The following NRP1 variants were observed in gnomAD, a reference collection of about 807,000 sequenced individuals.
NRP1 encodes the protein neuropilin-1.
A neutral mutation model predicts 106.7 loss-of-function variants in NRP1; 35 were observed. The observed-to-expected ratio is 0.33, with a 90% CI of 0.25 to 0.43. The LOEUF (loss-of-function observed/expected upper bound fraction) is 0.43, where lower values mean the gene tolerates loss of function less well. NRP1 is among the 20% of genes least tolerant of loss of function. The pLI is 1.00. For synonymous variants in NRP1, 437 were observed against 417.9 expected, an observed-to-expected ratio of 1.05 and a Z score of -0.56; for missense variants, 1,024 against 1,170.4, an observed-to-expected ratio of 0.87 and a Z score of 1.83.
intron 6 of NRP1, among the ~76,000 whole-genome samples, chr10:33,233,332 C>CA (rs1174945014): frequency 1.3e-5 from 2 of 152,190 alleles, no homozygotes; most frequent in African/African-American, 4.8e-5. Context: ...GAACCATCCA[C>CA]ATGCACCATA....
chr10:33,265,651 G>T (rs988870679), intron 3 of NRP1, among the ~76,000 whole-genome samples: 1 of 152,188 alleles, frequency 6.6e-6, no homozygotes, highest in Admixed American at 6.5e-5. Flanking sequence ...AGATGCAGAA[G>T]AATTCTTAGA....
intron 4 of NRP1, among the ~76,000 whole-genome samples, chr10:33,258,448 A>T (rs1842348876): frequency 6.6e-6 from 1 of 152,160 alleles, no homozygotes; most frequent in Non-Finnish European, 1.5e-5. Flanking sequence ...GGCACCACAC[A>T]GTTTGTGTGC....
chr10:33,308,532 G>A (rs572872508), intron 2 of NRP1, among the ~76,000 whole-genome samples: 8 of 151,864 alleles, frequency 5.3e-5, no homozygotes, highest in African/African-American at 1.7e-4. Flanking sequence ...TGTCGCCCAC[G>A]CTGGAGTTTA....
intron 12 of NRP1, among the ~76,000 whole-genome samples, chr10:33,195,890 C>T (rs60773850): frequency 0.097 from 14,720 of 152,100 alleles, 2,347 homozygotes; most frequent in African/African-American, 0.34. Context: ...TCAGTAGACC[C>T]GCGTGGTTTG....
intron 2 of NRP1, among the ~76,000 whole-genome samples, chr10:33,301,630 C>T (rs1845806819): frequency 6.6e-6 from 1 of 152,118 alleles, no homozygotes; most frequent in Non-Finnish European, 1.5e-5. Flanking sequence ...GCGCGTGACT[C>T]TCAGCCACTC....
At chr10:33,269,212 G>A (rs903111769) in intron 3 of NRP1, among the ~76,000 whole-genome samples, 13 of 152,104 alleles carry the variant, frequency 8.5e-5, no homozygotes, top group Non-Finnish European at 4.4e-5. Context: ...ACACACAAAA[G>A]GAATTTATAG....
In NRP1 at chr10:33,226,190, C is replaced by A; in HGVS notation, c.1081G>T (p.Asp361Tyr). 1 of 1,614,186 alleles carries A rather than the reference C, an allele frequency of 6.2e-7. No individual in the cohort carries two copies. Among genetic ancestry groups the A allele is most frequent in the African/African-American group, 1.3e-5 (1 of 75,058 alleles). ...CAGTCTTCCCCGTTGGAGCTAACGT[C>A]GATCTTGTAAGTCTTGACATAATAT... is the stretch of plus-strand genomic sequence containing the variant. ...KKYYVKTYKIDVSSNGEDWIT... is the reference protein window; with the variant it reads ...KKYYVKTYKIYVSSNGEDWIT... Residue 361 changes from aspartate to tyrosine, a missense_variant, in exon 7 of 17, where the codon GAC becomes TAC. Asp to Tyr is a radical substitution (Grantham distance 160). Transcript: ENST00000374867.
intron 6 of NRP1, among the ~76,000 whole-genome samples, chr10:33,240,799 T>A (rs1840951633): frequency 6.6e-6 from 1 of 151,874 alleles, no homozygotes; most frequent in African/African-American, 2.4e-5. Context: ...AATGCTACCC[T>A]GGAGACAAGA....
chr10:33,256,614 T>C lies in NRP1; in HGVS notation c.659-143A>G, dbSNP rs1588860145. 5 of 869,192 alleles carry C rather than the reference T, an allele frequency of 5.8e-6. No homozygotes were observed. In the East Asian group the frequency reaches 1.3e-4, roughly 23 times the overall value. 53.8% of individuals were successfully genotyped at this position (869,192 alleles called of 1,614,324 possible). A position where few individuals can be genotyped will look rare whatever the true frequency, so the allele number is the denominator to read the frequency against. ...CAAGGCTTCCCTAAGTTAATTGGTT[T>C]GCTGTGAACATATTGGATTGGGTTT... On this transcript the variant is annotated intron_variant, in intron 4 of 16. Coordinates refer to ENST00000374867, the MANE Select transcript of NRP1 (RefSeq NM_003873.7).
chr10:33,212,948 G>A, intron 9 of NRP1: 1 of 411,944 alleles, frequency 2.4e-6, no homozygotes. Context: ...TGGGATTACA[G>A]GCATGAGCCA....
At chr10:33,183,335 TAA>T (rs1292348818) in intron 15 of NRP1, among the ~76,000 whole-genome samples, 12 of 131,510 alleles carry the variant, frequency 9.1e-5, no homozygotes, top group Non-Finnish European at 1.3e-4. Flanking sequence ...ACAACAAATT[TAA>T]AAAAAAAAAA....
At chr10:33,283,228 C>A (rs550267761) in intron 2 of NRP1, among the ~76,000 whole-genome samples, 2 of 152,166 alleles carry the variant, frequency 1.3e-5, no homozygotes, top group Non-Finnish European at 2.9e-5. Flanking sequence ...AAAAACAGAT[C>A]ATGTATTAGA....
intron 2 of NRP1, among the ~76,000 whole-genome samples, chr10:33,311,000 G>T (rs570935503): frequency 3.4e-4 from 52 of 152,190 alleles, no homozygotes; most frequent in Non-Finnish European, 6.9e-4. Flanking sequence ...CCTTTGAAGA[G>T]ATAAGGCCTG....
At chr10:33,240,463 T>A (rs1284795460) in intron 6 of NRP1, among the ~76,000 whole-genome samples, 1 of 152,222 alleles carries the variant, frequency 6.6e-6, no homozygotes, top group Non-Finnish European at 1.5e-5. Context: ...CAGTTAATCA[T>A]GGCTTTAATT....
At chr10:33,314,119 A>T (rs1342067966) in intron 2 of NRP1, among the ~76,000 whole-genome samples, 3 of 128,454 alleles carry the variant, frequency 2.3e-5, no homozygotes, top group African/African-American at 9.0e-5. Context: ...AGACTGTTGC[A>T]CTGTGGCCCA....
chr10:33,273,799 G>T (rs1430463027), intron 2 of NRP1, among the ~76,000 whole-genome samples: 1 of 152,094 alleles, frequency 6.6e-6, no homozygotes, highest in Non-Finnish European at 1.5e-5. Flanking sequence ...CTGGGTCCCT[G>T]CTCTGGAAAA....
chr10:33,254,042 G>A lies in NRP1; in HGVS notation c.967C>T (p.Arg323Ter). The A allele has an allele frequency of 1.9e-6, 3 of 1,609,902 alleles. No homozygotes were observed. Among genetic ancestry groups the A allele is most frequent in the African/African-American group, 1.3e-5 (1 of 74,724 alleles). ...NGWTPGEDSY[R>*]EWIQVDLGLL... ...ATGCTGCATACCTGTATCCACTCTC[G>A]GTAGGAATCCTCTCCGGGAGTCCAC... The change falls in exon 6 of 17, where the codon CGA (arginine) becomes TGA (stop). Residue 323 changes from arginine to a stop codon, truncating the protein, a stop_gained. Transcript: ENST00000374867. LOFTEE classifies it high-confidence loss of function.
intron 8 of NRP1, among the ~76,000 whole-genome samples, chr10:33,220,738 A>T (rs1839166809): frequency 1.3e-5 from 2 of 151,778 alleles, no homozygotes; most frequent in South Asian, 2.1e-4. Context: ...CTCTACTAAA[A>T]ATACAAAAAA....
chr10:33,242,911 G>A (rs1841130395), intron 6 of NRP1, among the ~76,000 whole-genome samples: 1 of 152,098 alleles, frequency 6.6e-6, no homozygotes, highest in South Asian at 2.1e-4. Context: ...TTAGTATTAT[G>A]GCCTACAAAC....
Sources: allele counts gnomAD v4.1 joint callset (sites outside exome capture counted in the v4.1 genomes callset), GRCh38; gene constraint gnomAD v4.1.1; transcripts MANE v1.5; gene names NCBI Gene and HGNC (gene_info 2026-07-23, HGNC 2026-07-21).